MAP2K5: variants seen among roughly 807,000 people sequenced by gnomAD.
MAP2K5 encodes mitogen-activated protein kinase kinase 5.
In MAP2K5, 49 loss-of-function variants were observed where a neutral mutation model predicts 83.1. The ratio of observed to expected loss-of-function variants is 0.59; its 90% CI spans 0.47 to 0.75. The LOEUF is 0.75. Ranked by LOEUF, MAP2K5 falls within the 30% of genes least tolerant of loss-of-function variation. The pLI is 0.00. For synonymous variants in MAP2K5, 202 were observed against 191.8 expected (o/e 1.05, Z -0.44); for missense variants, 457 against 557.5 (o/e 0.82, Z 1.82).
At chr15:67,614,337 G>A (rs897988972) in intron 8 of MAP2K5, among the ~76,000 whole-genome samples, 3 of 152,154 alleles carry the variant, frequency 2.0e-5, no homozygotes, top group Admixed American at 1.3e-4. Flanking sequence ...ATTAGAATAA[G>A]GAGGTTTTCT....
intron 17 of MAP2K5, among the ~76,000 whole-genome samples, chr15:67,744,150 G>A (rs2089555019): frequency 6.6e-6 from 1 of 152,146 alleles, no homozygotes; most frequent in Admixed American, 6.5e-5. Context: ...TTTAGAATAT[G>A]AATGTCTCAG....
chr15:67,607,508 T>C (rs1334659977), intron 8 of MAP2K5, among the ~76,000 whole-genome samples: 1 of 152,222 alleles, frequency 6.6e-6, no homozygotes, highest in Non-Finnish European at 1.5e-5. Context: ...ATATCCATTA[T>C]GGCAATGATG....
chr15:67,596,755 A>C (rs1447135052), intron 7 of MAP2K5, among the ~76,000 whole-genome samples: 2 of 152,190 alleles, frequency 1.3e-5, no homozygotes, highest in Admixed American at 6.5e-5. Flanking sequence ...GTCATTTGCT[A>C]TCTTGGCAGT....
chr15:67,624,941 A>T (rs1447216207), intron 8 of MAP2K5, among the ~76,000 whole-genome samples: 1 of 152,134 alleles, frequency 6.6e-6, no homozygotes, highest in Non-Finnish European at 1.5e-5. Flanking sequence ...AAACATCACC[A>T]TCTATTTCCT....
At position 67,774,334 on chromosome 15, in the gene MAP2K5, T is replaced by G. The variant is rs1295660497; in HGVS notation, c.1242+1582T>G. On this transcript the variant is annotated intron_variant, in intron 21 of 21. Coordinates refer to ENST00000178640, the MANE Select transcript of MAP2K5 (RefSeq NM_145160.3). The surrounding 1 kb of genome is among the most constrained non-coding windows in gnomAD (Gnocchi z 4.9). ...AAAAATGTTGTCACAGGAAGCACCA[T>G]TCCATACTTAATTTAACATTATTTC... Among the ~76,000 whole-genome samples the G allele has an allele frequency of 6.6e-6, 1 of 152,162 alleles. No homozygotes were observed. Among genetic ancestry groups the G allele is most frequent in the Non-Finnish European group, 1.5e-5 (1 of 68,014 alleles).
At chr15:67,621,590 A>G (rs953679066) in intron 8 of MAP2K5, among the ~76,000 whole-genome samples, 1 of 152,204 alleles carries the variant, frequency 6.6e-6, no homozygotes, top group Non-Finnish European at 1.5e-5. Context: ...AATTCTATAC[A>G]TAACAGTGAT....
At chr15:67,625,762 C>A (rs2086303416) in intron 8 of MAP2K5, among the ~76,000 whole-genome samples, 3 of 152,316 alleles carry the variant, frequency 2.0e-5, no homozygotes, top group South Asian at 4.1e-4. Context: ...CACATAGCAT[C>A]TTTATTCCTC....
intron 9 of MAP2K5, chr15:67,641,473 C>A: frequency 1.0e-6 from 1 of 1,000,458 alleles, no homozygotes; most frequent in Non-Finnish European, 1.2e-6. Context: ...AGCAAATAAA[C>A]GAAGTCATCC....
At chr15:67,632,417 A>G (rs1389347581) in intron 9 of MAP2K5, among the ~76,000 whole-genome samples, 1 of 152,146 alleles carries the variant, frequency 6.6e-6, no homozygotes, top group Non-Finnish European at 1.5e-5. Context: ...ATGTTTTATA[A>G]CTATTATATT....
chr15:67,577,181 C>T lies in MAP2K5; in HGVS notation c.253-3573C>T, dbSNP rs948739367. On this transcript the variant is annotated intron_variant, in intron 3 of 21. Transcript: ENST00000178640. The surrounding 1 kb of genome is among the most constrained non-coding windows in gnomAD (Gnocchi z 4.1). Reference sequence around the variant, plus strand: ...CGATCTCCTGACCTCATGATCCACCCGCCTCGGCCTCCCAAAGTGCTGGGA... The same window carrying T: ...CGATCTCCTGACCTCATGATCCACCTGCCTCGGCCTCCCAAAGTGCTGGGA... Among the ~76,000 whole-genome samples, 41 of 151,818 alleles carry T rather than the reference C, an allele frequency of 2.7e-4. No homozygotes were observed. Among genetic ancestry groups the T allele is most frequent in the Admixed American group, 2.0e-3 (30 of 15,236 alleles).
chr15:67,586,178 G>A (rs767640340), intron 5 of MAP2K5, among the ~76,000 whole-genome samples: 9 of 152,112 alleles, frequency 5.9e-5, no homozygotes, highest in Non-Finnish European at 1.3e-4. Context: ...GTGTCTTCAG[G>A]ATAATCCTAG....
intron 21 of MAP2K5, among the ~76,000 whole-genome samples, chr15:67,792,084 T>C (rs2090528149): frequency 1.3e-5 from 2 of 152,188 alleles, no homozygotes; most frequent in African/African-American, 4.8e-5. Context: ...ACCTGCTCAA[T>C]GTGGACAGTA....
At chr15:67,803,905 G>A (rs1359479680) in intron 21 of MAP2K5, among the ~76,000 whole-genome samples, 1 of 152,226 alleles carries the variant, frequency 6.6e-6, no homozygotes, top group African/African-American at 2.4e-5. Flanking sequence ...CAGACTTGTG[G>A]TTCAGTCCCA....
intron 5 of MAP2K5, 73 bp downstream of exon 5, chr15:67,586,003 A>T: frequency 2.2e-6 from 3 of 1,340,194 alleles, no homozygotes; most frequent in Non-Finnish European, 3.2e-6. Context: ...TTGAAATGTC[A>T]AATAAAACTG....
chr15:67,805,947 A>G (rs999264300), intron 21 of MAP2K5, among the ~76,000 whole-genome samples: 1 of 152,168 alleles, frequency 6.6e-6, no homozygotes, highest in African/African-American at 2.4e-5. Context: ...GACAGCAGAG[A>G]AGAGAACTGG....
intron 21 of MAP2K5, among the ~76,000 whole-genome samples, chr15:67,800,247 T>C (rs953649953): frequency 1.3e-5 from 2 of 152,240 alleles, no homozygotes; most frequent in Non-Finnish European, 2.9e-5. Flanking sequence ...TTTAAAACTT[T>C]AACAGTGGAA....
chr15:67,767,245 C>T (rs1317781653), intron 19 of MAP2K5, among the ~76,000 whole-genome samples: 1 of 152,204 alleles, frequency 6.6e-6, no homozygotes, highest in Non-Finnish European at 1.5e-5. Flanking sequence ...TAAATGGCCT[C>T]TTCATCAAGT....
At chr15:67,596,911 C>G (rs2085537764) in intron 7 of MAP2K5, among the ~76,000 whole-genome samples, 1 of 152,170 alleles carries the variant, frequency 6.6e-6, no homozygotes, top group Non-Finnish European at 1.5e-5. Context: ...GTGGCTCACG[C>G]CTGTAATCCC....
At chr15:67,792,024 G>A (rs2090526826) in intron 21 of MAP2K5, among the ~76,000 whole-genome samples, 1 of 152,198 alleles carries the variant, frequency 6.6e-6, no homozygotes. Flanking sequence ...AGGCAGAGGA[G>A]GGGCAGGGCC....
Sources: gnomAD v4.1 joint callset for allele counts (sites outside exome capture counted in the v4.1 genomes callset) on GRCh38, gnomAD v4.1.1 for gene constraint, Gnocchi (gnomAD v3.1) non-coding constraint, MANE v1.5 for transcripts, NCBI Gene and HGNC (gene_info 2026-07-23, HGNC 2026-07-21) for gene names.